SORCS1: variants seen among roughly 807,000 people sequenced by gnomAD.
SORCS1 encodes VPS10 domain-containing receptor SorCS1.
A neutral mutation model predicts 146.1 loss-of-function variants in SORCS1; 60 were observed. That is an observed-to-expected ratio of 0.41 (90% confidence interval 0.33 to 0.51). SORCS1 has a LOEUF of 0.51. Ranked by LOEUF, SORCS1 falls within the 20% of genes least tolerant of loss-of-function variation. SORCS1 has a pLI of 0.21. For synonymous variants in SORCS1, 637 were observed against 584.0 expected (o/e 1.09, Z -1.31); for missense variants, 1,352 against 1,487.6 (o/e 0.91, Z 1.50).
chr10:107,065,521 T>TTTCG (rs1961753604), intron 1 of SORCS1, among the ~76,000 whole-genome samples: 3 of 141,470 alleles, frequency 2.1e-5, no homozygotes, highest in Non-Finnish European at 4.6e-5. Context: ...TCTTTCTTTC[T>TTTCG]TTCTTTCTTT....
intron 2 of SORCS1, among the ~76,000 whole-genome samples, chr10:106,927,256 G>A (rs970608168): frequency 3.3e-5 from 5 of 152,072 alleles, no homozygotes; most frequent in African/African-American, 1.2e-4. Context: ...GGATGTGTTC[G>A]GAGTTTCTTC....
At chr10:107,057,818 C>T (rs1960791401) in intron 1 of SORCS1, among the ~76,000 whole-genome samples, 1 of 152,094 alleles carries the variant, frequency 6.6e-6, no homozygotes, top group Non-Finnish European at 1.5e-5. Flanking sequence ...TGTTTTGTTT[C>T]CTTGTTTAGA....
At chr10:107,172,772 A>C in the SORCS1 span, among the ~76,000 whole-genome samples, 6 of 152,212 alleles carry the variant, frequency 3.9e-5, no homozygotes, top group African/African-American at 1.4e-4. Context: ...ACATAAAGCT[A>C]AATTTACACC....
intron 1 of SORCS1, among the ~76,000 whole-genome samples, chr10:106,976,471 A>G (rs1344219655): frequency 1.3e-5 from 2 of 151,414 alleles, no homozygotes; most frequent in East Asian, 3.9e-4. Flanking sequence ...AGCTGGGACT[A>G]CAGAAGCCCG....
chr10:107,093,333 T>C (rs899701330), intron 1 of SORCS1, among the ~76,000 whole-genome samples: 5 of 152,190 alleles, frequency 3.3e-5, no homozygotes, highest in African/African-American at 1.2e-4. Context: ...CTCTTCATTA[T>C]ACCCTCTCCC....
At position 106,990,897 on chromosome 10, in the gene SORCS1, C is replaced by T. The variant is rs1409747068; in HGVS notation, c.559-34317G>A. On this transcript the variant is annotated intron_variant, in intron 1 of 25. Transcript: ENST00000263054. ...TACTTCTTTTATTTGAGGCACACTA[C>T]TCTTTTGCAAAATGAATGATTTTAA... 7.5e-5 allele frequency among the ~76,000 whole-genome samples: 9 copies of T among 120,192 alleles called. No individual in the cohort carries two copies. The Admixed American group carries it at 7.5e-4, about 10-fold the overall frequency. The allele number at this position is 120,192 out of a possible 152,430, so 78.9% of individuals were successfully genotyped here.
intron 1 of SORCS1, among the ~76,000 whole-genome samples, chr10:107,132,241 A>G (rs964109611): frequency 6.6e-6 from 1 of 151,876 alleles, no homozygotes; most frequent in Non-Finnish European, 1.5e-5. Flanking sequence ...CAATCCCATT[A>G]TTTATTCCTA....
chr10:107,175,235 G>A, the SORCS1 span, among the ~76,000 whole-genome samples: 1 of 152,132 alleles, frequency 6.6e-6, no homozygotes, highest in African/African-American at 2.4e-5. Context: ...TGTCCTTAAT[G>A]GATTTTGAAA....
chr10:106,718,522 G>C (rs941178110), intron 6 of SORCS1, among the ~76,000 whole-genome samples: 4 of 150,324 alleles, frequency 2.7e-5, no homozygotes, highest in Non-Finnish European at 4.4e-5. Flanking sequence ...GCAAACCTTC[G>C]CGCTGTTACA....
chr10:106,590,529 T>A (rs1406937937), intron 24 of SORCS1, among the ~76,000 whole-genome samples: 1 of 152,216 alleles, frequency 6.6e-6, no homozygotes, highest in Non-Finnish European at 1.5e-5. Context: ...TTAGGGATAT[T>A]TTCTTAACGG....
chr10:106,881,265 T>C (rs1286108131), intron 2 of SORCS1, among the ~76,000 whole-genome samples: 1 of 152,150 alleles, frequency 6.6e-6, no homozygotes. Flanking sequence ...CTCCATCTTT[T>C]TAAGTTTTAG....
rs1425280203 is a variant in SORCS1, at chr10:106,576,686, G to C, written c.*734C>G. 1 of 152,540 alleles carries C rather than the reference G, an allele frequency of 6.6e-6. No homozygotes were observed. The highest frequency in any genetic ancestry group is 1.5e-5 in the Non-Finnish European group (1 of 68,328). 9.4% of individuals were successfully genotyped at this position (152,540 alleles called of 1,614,324 possible). On this transcript the variant is annotated 3_prime_UTR_variant, in exon 26 of 26. Transcript: ENST00000263054. ...TGTTCCTGTGGCCACAGAGAGTGCA[G>C]AAAGCAGCCTTGTGGCCACTGCTGA...
At chr10:106,600,834 A>T in intron 23 of SORCS1, 1 of 453,246 alleles carries the variant, frequency 2.2e-6, no homozygotes, top group South Asian at 9.3e-5. Flanking sequence ...TTTTCCTTGA[A>T]CAAGCTGACA....
intron 3 of SORCS1, among the ~76,000 whole-genome samples, chr10:106,797,767 G>C (rs1946644940): frequency 6.6e-6 from 1 of 152,132 alleles, no homozygotes; most frequent in African/African-American, 2.4e-5. Context: ...CCCAGATGAT[G>C]GCTTTTTCAG....
chr10:106,986,330 TA>T (rs1398847379), intron 1 of SORCS1, among the ~76,000 whole-genome samples: 1 of 152,130 alleles, frequency 6.6e-6, no homozygotes, highest in Non-Finnish European at 1.5e-5. Flanking sequence ...AAATTTGGTT[TA>T]AAAAACTTAC....
intron 19 of SORCS1, among the ~76,000 whole-genome samples, chr10:106,626,153 A>C (rs550343556): frequency 5.9e-5 from 9 of 151,922 alleles, no homozygotes; most frequent in Non-Finnish European, 1.2e-4. Flanking sequence ...GAGTGGTCGG[A>C]ATGTGTATGT....
intron 1 of SORCS1, among the ~76,000 whole-genome samples, chr10:107,162,474 G>C (rs992622917): frequency 3.9e-5 from 6 of 152,150 alleles, no homozygotes; most frequent in South Asian, 2.1e-4. Context: ...ATGAGGGCAA[G>C]GGTCTCCAGA....
At chr10:106,700,759 C>T (rs1854082072) in intron 8 of SORCS1, among the ~76,000 whole-genome samples, 1 of 152,132 alleles carries the variant, frequency 6.6e-6, no homozygotes. Flanking sequence ...ACAGTAAACT[C>T]GTGATCCCAG....
chr10:106,983,937 C>A (rs753837390), intron 1 of SORCS1, among the ~76,000 whole-genome samples: 11 of 152,164 alleles, frequency 7.2e-5, no homozygotes, highest in Non-Finnish European at 1.2e-4. Flanking sequence ...AAGGTCATAT[C>A]TAACTTGGTA....
Sources: gnomAD v4.1 joint callset for allele counts (sites outside exome capture counted in the v4.1 genomes callset) on GRCh38, gnomAD v4.1.1 for gene constraint, MANE v1.5 for transcripts, NCBI Gene and HGNC (gene_info 2026-07-23, HGNC 2026-07-21) for gene names.